ACTN2: variants seen among roughly 807,000 people sequenced by gnomAD.
The protein encoded by ACTN2 is actinin alpha 2, also known as alpha-actinin-2.
A neutral mutation model predicts 113.8 loss-of-function variants in ACTN2; 39 were observed. That is an observed-to-expected ratio of 0.34 (90% CI 0.27 to 0.45). The LOEUF is 0.45. Ranked by LOEUF, ACTN2 falls within the 20% of genes least tolerant of loss-of-function variation. ACTN2 has a pLI of 1.00. For synonymous variants in ACTN2, 429 were observed against 444.1 expected (o/e 0.97, Z 0.43); for missense variants, 992 against 1,177.9 (o/e 0.84, Z 2.31).
intron 1 of ACTN2, among the ~76,000 whole-genome samples, chr1:236,708,821 G>A (rs1347607920): frequency 2.0e-5 from 3 of 152,176 alleles, no homozygotes; most frequent in African/African-American, 4.8e-5. Flanking sequence ...TGAGGGCAGA[G>A]CCTCCTTTCT....
chr1:236,690,038 A>G (rs78058796), intron 1 of ACTN2, among the ~76,000 whole-genome samples: 7,735 of 152,324 alleles, frequency 0.051, 273 homozygotes, highest in Admixed American at 0.11. Flanking sequence ...TTGATGATAG[A>G]TAAACTTTTC....
chr1:236,737,045 A>G, intron 8 of ACTN2, 77 bp from the exon 9 acceptor site: 2 of 1,272,644 alleles, frequency 1.6e-6, no homozygotes, highest in South Asian at 1.2e-5. Flanking sequence ...GTCCCCTCTC[A>G]TCACCCACCT....
intron 1 of ACTN2, among the ~76,000 whole-genome samples, chr1:236,708,490 T>C (rs1175773763): frequency 6.6e-6 from 1 of 152,240 alleles, no homozygotes; most frequent in Non-Finnish European, 1.5e-5. Flanking sequence ...TAGTCACCAG[T>C]ATGAGTGGCT....
chr1:236,698,810 A>G (rs1234984951), intron 1 of ACTN2, among the ~76,000 whole-genome samples: 1 of 152,224 alleles, frequency 6.6e-6, no homozygotes, highest in Admixed American at 6.5e-5. Context: ...CAGAGAAACA[A>G]CTATTATTGA....
At chr1:236,695,241 G>A (rs1265184583) in intron 1 of ACTN2, among the ~76,000 whole-genome samples, 2 of 150,366 alleles carry the variant, frequency 1.3e-5, no homozygotes, top group South Asian at 4.2e-4. Context: ...AGCTGGGTAT[G>A]GTGATGTCTG....
chr1:236,760,889 A>G, intron 19 of ACTN2, 126 bp from the exon 20 acceptor site: 1 of 1,223,974 alleles, frequency 8.2e-7, no homozygotes, highest in African/African-American at 1.5e-5. Context: ...GACTGAAGGG[A>G]AACGCAGGTA....
chr1:236,719,088 C>G lies in ACTN2; in HGVS notation c.361+75C>G, dbSNP rs894353081. On this transcript the variant is annotated intron_variant, in intron 3 of 20. Transcript: ENST00000366578. The stretch of plus-strand genomic sequence containing the variant: ...AGGTGTGGGCTGCGACTTGAATTCT[C>G]CCCTTCTTCCCTCCCTTTCACCATT... 12 of 1,592,978 alleles carry G rather than the reference C, an allele frequency of 7.5e-6. No individual in the cohort carries two copies. In the African/African-American group the frequency reaches 1.2e-4, roughly 16 times the overall value.
At chr1:236,741,673 C>T (rs956029780) in intron 10 of ACTN2, among the ~76,000 whole-genome samples, 25 of 152,318 alleles carry the variant, frequency 1.6e-4, no homozygotes, top group Admixed American at 3.9e-4. Context: ...TTTACCTCCA[C>T]GGCCACTGGC....
rs2102947215 is a variant in ACTN2 at position 236,757,639 on chromosome 1, C to G, written c.2301+7C>G. On this transcript the variant is annotated splice_region_variant and intron_variant, in intron 18 of 20. Transcript: ENST00000366578. The stretch of plus-strand genomic sequence containing the variant: ...CTTCAACCACTTTGACAGGGTACCA[C>G]TCTCTACTTATTTGAAGGGCAATAC... The G allele has an allele frequency of 1.9e-6, 3 of 1,614,112 alleles. No homozygotes were observed. Among genetic ancestry groups the G allele is most frequent in the Non-Finnish European group, 1.7e-6 (2 of 1,179,994 alleles).
intron 17 of ACTN2, 42 bp downstream of exon 17, chr1:236,755,240 G>A: frequency 6.2e-7 from 1 of 1,611,576 alleles, no homozygotes; most frequent in Non-Finnish European, 8.5e-7. Flanking sequence ...CTTCTCACGG[G>A]GACCATGCCA....
chr1:236,736,655 A>G, intron 8 of ACTN2: 1 of 1,529,126 alleles, frequency 6.5e-7, no homozygotes, highest in Non-Finnish European at 8.8e-7. Context: ...TCTTCAGTGA[A>G]TTCAAGTGCA....
intron 1 of ACTN2, among the ~76,000 whole-genome samples, chr1:236,691,052 C>T (rs946946836): frequency 1.3e-5 from 2 of 151,488 alleles, no homozygotes; most frequent in Middle Eastern, 3.4e-3. Flanking sequence ...ATTCTCCTGC[C>T]TCAGCCTTAC....
rs1659743296 is a variant in ACTN2, at chr1:236,762,585, T to A, written c.2651T>A (p.Phe884Tyr). The A allele has an allele frequency of 6.2e-7, 1 of 1,614,162 alleles. No homozygotes were observed. Among genetic ancestry groups the A allele is most frequent in the Non-Finnish European group, 8.5e-7 (1 of 1,180,026 alleles). The part of the protein sequence containing the change: ...SVPGALDYAA[F>Y]SSALYGESDL ...CCTGGTGCACTGGATTACGCTGCGTTCTCTTCCGCACTCTACGGGGAGAGC... is the reference window on the plus strand; with the variant it reads ...CCTGGTGCACTGGATTACGCTGCGTACTCTTCCGCACTCTACGGGGAGAGC... Residue 884 changes from phenylalanine (F) to tyrosine (Y), a missense_variant, in exon 21 of 21, where the codon TTC becomes TAC. Physicochemically the swap from Phe to Tyr is conservative, Grantham distance 22. Coordinates refer to ENST00000366578, the MANE Select transcript of ACTN2 (RefSeq NM_001103.4).
At chr1:236,721,015 G>GGGTTTTTTTTTTTTTTTTTTTT in intron 4 of ACTN2, among the ~76,000 whole-genome samples, 1 of 49,176 alleles carries the variant, frequency 2.0e-5, no homozygotes, top group Non-Finnish European at 3.4e-5. Context: ...TCTGGTTTTT[G>GGGTTTTTTTTTTTTTTTTTTTT]TTTTTTGTTT....
intron 1 of ACTN2, among the ~76,000 whole-genome samples, chr1:236,716,541 A>G (rs1228704811): frequency 3.9e-5 from 6 of 152,162 alleles, no homozygotes; most frequent in Non-Finnish European, 7.3e-5. Context: ...TGCCCTAGTA[A>G]TTTGTTAATA....
chr1:236,752,453 G>C (rs549859626), intron 15 of ACTN2, among the ~76,000 whole-genome samples: 18 of 116,172 alleles, frequency 1.5e-4, no homozygotes, highest in Admixed American at 1.3e-4. Flanking sequence ...TCTTCCTAAC[G>C]AACACCCAAA....
At chr1:236,704,064 T>G (rs1313697746) in intron 1 of ACTN2, among the ~76,000 whole-genome samples, 1 of 152,188 alleles carries the variant, frequency 6.6e-6, no homozygotes, top group Non-Finnish European at 1.5e-5. Context: ...AACATGAGGA[T>G]GCATACGGAG....
Position 236,754,202 on chromosome 1 carries a change from G to A in ACTN2, c.1974+121G>A, listed in dbSNP as rs180856441. 2.3e-5 allele frequency: 30 copies of A among 1,332,876 alleles called. 1 individual carries two copies. Among genetic ancestry groups the A allele is most frequent in the East Asian group, 7.1e-5 (3 of 42,444 alleles). 82.6% of individuals were successfully genotyped at this position (1,332,876 alleles called of 1,614,324 possible). On this transcript the variant is annotated intron_variant, in intron 16 of 20. Transcript: ENST00000366578. The surrounding 1 kb of genome is among the most constrained non-coding windows in gnomAD (Gnocchi z 4.9). ...ACCCACTCAGTCAGGTGGGAGCACC[G>A]TTCTGTTATCACCCCGGCTTTATCT...
At chr1:236,689,300 G>GATATATAT (rs57239117) in intron 1 of ACTN2, among the ~76,000 whole-genome samples, 4 of 122,594 alleles carry the variant, frequency 3.3e-5, no homozygotes, top group South Asian at 2.8e-4. Context: ...TTACAGATGT[G>GATATATAT]ATATATATAT....
Sources: allele counts gnomAD v4.1 joint callset (sites outside exome capture counted in the v4.1 genomes callset), GRCh38; gene constraint gnomAD v4.1.1; non-coding constraint Gnocchi (gnomAD v3.1); transcripts MANE v1.5; gene names NCBI Gene and HGNC (gene_info 2026-07-23, HGNC 2026-07-21).